TGFB2: variants seen among roughly 807,000 people sequenced by gnomAD.
The protein encoded by TGFB2 is transforming growth factor beta 2.
A neutral mutation model predicts 42.7 loss-of-function variants in TGFB2; 13 were observed. That is an observed-to-expected ratio of 0.30 (90% CI 0.20 to 0.48). The LOEUF (loss-of-function observed/expected upper bound fraction) is 0.48, where lower values mean the gene tolerates loss of function less well. Among genes scored for constraint, TGFB2 ranks in the 20% least tolerant of loss-of-function variants. TGFB2 has a pLI of 0.99. For synonymous variants in TGFB2, 193 were observed against 193.6 expected, an observed-to-expected ratio of 1.00 and a Z score of 0.03; for missense variants, 390 against 517.5, an observed-to-expected ratio of 0.75 and a Z score of 2.39.
chr1:218,368,999 G>A (rs1030971780), intron 1 of TGFB2, among the ~76,000 whole-genome samples: 4 of 152,062 alleles, frequency 2.6e-5, no homozygotes, highest in African/African-American at 9.7e-5. Flanking sequence ...GCTCATGTCT[G>A]TAATCCCACC....
At chr1:218,420,549 T>G (rs534032459) in intron 2 of TGFB2, among the ~76,000 whole-genome samples, 1 of 152,300 alleles carries the variant, frequency 6.6e-6, no homozygotes, top group South Asian at 2.1e-4. Context: ...TAAAGTTTTT[T>G]TTTTTAATGA....
intron 6 of TGFB2, among the ~76,000 whole-genome samples, chr1:218,440,723 A>G (rs562270316): frequency 6.6e-6 from 1 of 152,378 alleles, no homozygotes; most frequent in South Asian, 2.1e-4. Flanking sequence ...GGGCCACAAG[A>G]TAAAAGCAAA....
At position 218,373,627 on chromosome 1, in the gene TGFB2, A is replaced by G. The variant is rs10482744; in HGVS notation, c.346+26580A>G. Among the ~76,000 whole-genome samples, 1,084 of 152,228 alleles carry G rather than the reference A, an allele frequency of 7.1e-3. 8 individuals carry two copies. The highest frequency in any genetic ancestry group is 0.011 in the Non-Finnish European group (736 of 68,006). On this transcript the variant is annotated intron_variant, in intron 1 of 6. Coordinates refer to ENST00000366930, the MANE Select transcript of TGFB2 (RefSeq NM_003238.6). ...AAGGAAACTGAGGTGTAGTAACATC[A>G]CGTGTAATTTCCTCACGATCACACA...
intron 1 of TGFB2, among the ~76,000 whole-genome samples, chr1:218,397,293 G>C (rs1419046728): frequency 6.6e-6 from 1 of 151,116 alleles, no homozygotes; most frequent in African/African-American, 2.4e-5. Flanking sequence ...GCCGGGCGCG[G>C]TGGCTTATGC....
chr1:218,347,192 C>T (rs763621928), intron 1 of TGFB2, 145 bp downstream of exon 1: 2 of 682,366 alleles, frequency 2.9e-6, no homozygotes, highest in Admixed American at 3.0e-5. Context: ...CCACCACCTC[C>T]TTTTCAGTTG....
intron 1 of TGFB2, among the ~76,000 whole-genome samples, chr1:218,375,764 G>T (rs550132748): frequency 6.6e-6 from 1 of 151,996 alleles, no homozygotes; most frequent in Non-Finnish European, 1.5e-5. Flanking sequence ...TTTAAAATAC[G>T]GGATATTGAG....
rs1395226344 is a variant in TGFB2, at chr1:218,436,048, C to G, written c.833C>G (p.Thr278Ser). 6.2e-7 allele frequency: 1 copy of G among 1,613,966 alleles called. No homozygotes were observed. The highest frequency in any genetic ancestry group is 8.5e-7 in the Non-Finnish European group (1 of 1,179,970). Residue 278 changes from threonine to serine, a missense_variant, in exon 5 of 7, where the codon ACC (threonine) becomes AGC (serine). Coordinates refer to ENST00000366930, the MANE Select transcript of TGFB2 (RefSeq NM_003238.6). ...ACTAGGAAAAAAAACAGTGGGAAGA[C>G]CCCACATCTCCTGCTAATGTTATTG... is the stretch of plus-strand genomic sequence containing the variant. ...KSTRKKNSGK[T>S]PHLLLMLLPS...
intron 1 of TGFB2, among the ~76,000 whole-genome samples, chr1:218,369,614 G>A (rs991713450): frequency 3.9e-5 from 6 of 152,152 alleles, no homozygotes; most frequent in South Asian, 2.1e-4. Flanking sequence ...TTGTGCTCAC[G>A]CATGTGGAAT....
At chr1:218,389,851 A>G (rs1658263882) in intron 1 of TGFB2, among the ~76,000 whole-genome samples, 1 of 152,224 alleles carries the variant, frequency 6.6e-6, no homozygotes, top group Non-Finnish European at 1.5e-5. Context: ...AACCAATGTA[A>G]TATGTGAGAA....
At chr1:218,408,938 G>C (rs1659004668) in intron 2 of TGFB2, among the ~76,000 whole-genome samples, 1 of 152,188 alleles carries the variant, frequency 6.6e-6, no homozygotes, top group Non-Finnish European at 1.5e-5. Context: ...CGCTGAGCTT[G>C]TTTTCCTGCA....
intron 1 of TGFB2, among the ~76,000 whole-genome samples, chr1:218,377,122 C>T (rs1410117385): frequency 6.6e-6 from 1 of 152,154 alleles, no homozygotes; most frequent in African/African-American, 2.4e-5. Context: ...TGGTCTCAGA[C>T]TCCTGGGCTC....
intron 2 of TGFB2, among the ~76,000 whole-genome samples, chr1:218,432,355 C>G (rs1659833258): frequency 6.6e-6 from 1 of 152,176 alleles, no homozygotes; most frequent in Non-Finnish European, 1.5e-5. Flanking sequence ...ATTGTTGCCT[C>G]CACATTCTCT....
chr1:218,378,189 A>G (rs1571850611), intron 1 of TGFB2, among the ~76,000 whole-genome samples: 3 of 138,420 alleles, frequency 2.2e-5, no homozygotes, highest in Admixed American at 2.1e-4. Context: ...TTATTTATTT[A>G]AGATGGAGTC....
chr1:218,406,481 T>C (rs972158875), intron 2 of TGFB2, among the ~76,000 whole-genome samples: 2 of 152,132 alleles, frequency 1.3e-5, no homozygotes, highest in Non-Finnish European at 2.9e-5. Flanking sequence ...TTTAACAAGA[T>C]CCGCAGGTGC....
intron 1 of TGFB2, among the ~76,000 whole-genome samples, chr1:218,348,003 A>C (rs1453363243): frequency 6.6e-6 from 1 of 151,628 alleles, no homozygotes; most frequent in Non-Finnish European, 1.5e-5. Context: ...TACAGTAGCA[A>C]TAGGAGTGAA....
chr1:218,373,429 G>A (rs1415752895), intron 1 of TGFB2, among the ~76,000 whole-genome samples: 1 of 151,460 alleles, frequency 6.6e-6, no homozygotes, highest in African/African-American at 2.4e-5. Flanking sequence ...AATATGATTA[G>A]TAATAATATG....
chr1:218,403,141 G>A (rs979443323), intron 1 of TGFB2, among the ~76,000 whole-genome samples: 7 of 152,206 alleles, frequency 4.6e-5, no homozygotes, highest in African/African-American at 9.6e-5. Flanking sequence ...GTGATGCGGC[G>A]GATCATCACC....
chr1:218,395,903 C>T (rs1350796425), intron 1 of TGFB2, among the ~76,000 whole-genome samples: 5 of 152,062 alleles, frequency 3.3e-5, no homozygotes, highest in African/African-American at 1.2e-4. Flanking sequence ...TGTGAGCCAC[C>T]GCGCCAGGCC....
At chr1:218,397,975 G>A (rs974985255) in intron 1 of TGFB2, among the ~76,000 whole-genome samples, 2 of 152,216 alleles carry the variant, frequency 1.3e-5, no homozygotes, top group South Asian at 2.1e-4. Flanking sequence ...AATCCCCCAC[G>A]AGGACACTGA....
Sources: allele counts gnomAD v4.1 joint callset (sites outside exome capture counted in the v4.1 genomes callset), GRCh38; gene constraint gnomAD v4.1.1; transcripts MANE v1.5; gene names NCBI Gene and HGNC (gene_info 2026-07-23, HGNC 2026-07-21).